The following MYO16 variants were observed in gnomAD, a reference collection of about 807,000 sequenced individuals.
MYO16 encodes myosin XVI, also known as unconventional myosin-XVI.
In MYO16, 94 loss-of-function variants were observed where a neutral mutation model predicts 205.3. The observed-to-expected ratio is 0.46, with a 90% CI of 0.39 to 0.54. MYO16 has a LOEUF of 0.54. Among genes scored for constraint, MYO16 ranks in the 20% least tolerant of loss-of-function variants. The pLI, the probability that MYO16 is intolerant of heterozygous loss-of-function variation, is 0.00. For missense variants in MYO16, 2,315 were observed against 2,387.5 expected, an observed-to-expected ratio of 0.97 and a Z score of 0.63; for synonymous variants, 988 against 954.0, an observed-to-expected ratio of 1.04 and a Z score of -0.66.
intron 21 of MYO16, among the ~76,000 whole-genome samples, chr13:108,992,880 A>T (rs1884883880): frequency 6.6e-6 from 1 of 152,206 alleles, no homozygotes; most frequent in Non-Finnish European, 1.5e-5. Flanking sequence ...GGACTATTGG[A>T]AAATCATAAA....
In MYO16 at chr13:109,101,436, T is replaced by C. The variant is rs140268119; in HGVS notation, c.3438+549T>C. ...CTTCATAATTGGAAACACTTTATTA[T>C]AGTCTGTGATCCATTTGAATGGTAG... On this transcript the variant is annotated intron_variant, in intron 28 of 34. Transcript: ENST00000457511. 1.4e-4 allele frequency: 22 copies of C among 152,812 alleles called. No individual in the cohort carries two copies. In the East Asian group the frequency reaches 4.2e-3, roughly 29 times the overall value. The allele number at this position is 152,812 out of a possible 1,614,324, so 9.5% of individuals were successfully genotyped here. A position where few individuals can be genotyped will look rare whatever the true frequency, so the allele number is the denominator to read the frequency against.
intron 19 of MYO16, among the ~76,000 whole-genome samples, chr13:108,963,381 A>AT (rs1883660731): frequency 1.3e-5 from 2 of 152,208 alleles, no homozygotes; most frequent in Admixed American, 1.3e-4. Flanking sequence ...CCCAAAAGTT[A>AT]TACTTGATAG....
At chr13:108,655,240 C>G (rs575216392) in intron 1 of MYO16, among the ~76,000 whole-genome samples, 170 of 152,314 alleles carry the variant, frequency 1.1e-3, no homozygotes, top group African/African-American at 4.0e-3. Flanking sequence ...ATGTTGTGTG[C>G]AGCCTAGGGA....
the MYO16 span, among the ~76,000 whole-genome samples, chr13:108,565,616 A>T: frequency 6.6e-6 from 1 of 152,102 alleles, no homozygotes; most frequent in East Asian, 1.9e-4. Context: ...AGATCATATT[A>T]TCTGCAAACA....
intron 16 of MYO16, among the ~76,000 whole-genome samples, chr13:108,951,158 C>A (rs1052411900): frequency 6.6e-6 from 1 of 151,690 alleles, no homozygotes; most frequent in African/African-American, 2.4e-5. Flanking sequence ...TGGAAAAGAA[C>A]AAAAAAAGAA....
chr13:108,818,866 A>G (rs537709842), intron 7 of MYO16, among the ~76,000 whole-genome samples: 79 of 152,320 alleles, frequency 5.2e-4, no homozygotes, highest in African/African-American at 1.8e-3. Flanking sequence ...GAAATCCAGG[A>G]GAAGCCTGCT....
chr13:108,595,516 C>T (rs146801809), upstream of MYO16, among the ~76,000 whole-genome samples: 322 of 152,260 alleles, frequency 2.1e-3, no homozygotes, highest in African/African-American at 7.3e-3. Flanking sequence ...AAGGTAGTTC[C>T]GTTCTTTTAG....
intron 34 of MYO16, among the ~76,000 whole-genome samples, chr13:109,203,834 C>G (rs997498396): frequency 6.6e-6 from 1 of 152,182 alleles, no homozygotes; most frequent in African/African-American, 2.4e-5. Flanking sequence ...AAACTTTGGC[C>G]TAGGGCGCCC....
chr13:108,496,025 G>A, the MYO16 span, among the ~76,000 whole-genome samples: 2 of 152,184 alleles, frequency 1.3e-5, no homozygotes, highest in African/African-American at 4.8e-5. Context: ...AGGCTGTTCT[G>A]CACCGCCGGG....
intron 20 of MYO16, among the ~76,000 whole-genome samples, chr13:108,990,967 A>C: frequency 6.6e-6 from 1 of 152,240 alleles, no homozygotes; most frequent in East Asian, 1.9e-4. Context: ...CAAGGAAATA[A>C]CAATTTAACG....
At chr13:108,600,095 T>A (rs541657225) in intron 1 of MYO16, among the ~76,000 whole-genome samples, 1 of 152,320 alleles carries the variant, frequency 6.6e-6, no homozygotes, top group East Asian at 1.9e-4. Flanking sequence ...TACTCCTATT[T>A]ACCTAATCCT....
intron 16 of MYO16, among the ~76,000 whole-genome samples, chr13:108,938,744 C>T (rs1882597687): frequency 6.6e-6 from 1 of 152,238 alleles, no homozygotes; most frequent in South Asian, 2.1e-4. Flanking sequence ...GATCTCACTG[C>T]ACCACCATCT....
At chr13:108,826,194 C>T (rs1283202305) in intron 9 of MYO16, among the ~76,000 whole-genome samples, 1 of 152,014 alleles carries the variant, frequency 6.6e-6, no homozygotes, top group African/African-American at 2.4e-5. Flanking sequence ...TCTATAGTAA[C>T]TAAGACATTG....
intron 9 of MYO16, among the ~76,000 whole-genome samples, chr13:108,831,064 T>A (rs1441890701): frequency 6.6e-6 from 1 of 152,202 alleles, no homozygotes; most frequent in Admixed American, 6.5e-5. Flanking sequence ...AGGGACACAG[T>A]GATCTCGGGG....
chr13:108,558,425 A>G, the MYO16 span, among the ~76,000 whole-genome samples: 2 of 152,194 alleles, frequency 1.3e-5, no homozygotes, highest in Non-Finnish European at 2.9e-5. Context: ...TAAGACATTG[A>G]TGACTGACAG....
chr13:108,510,418 ATAGT>A, the MYO16 span, among the ~76,000 whole-genome samples: 4 of 67,408 alleles, frequency 5.9e-5, no homozygotes, highest in African/African-American at 2.0e-4. Context: ...TGCCCGGTAG[ATAGT>A]TAATTTTTTT....
Position 108,806,822 on chromosome 13 carries a change from A to T in MYO16, c.867+18A>T. 1 of 1,450,566 alleles carries T rather than the reference A, an allele frequency of 6.9e-7. No individual in the cohort carries two copies. Among genetic ancestry groups the T allele is most frequent in the Non-Finnish European group, 9.2e-7 (1 of 1,092,878 alleles). The allele number at this position is 1,450,566 out of a possible 1,614,324, so 89.9% of individuals were successfully genotyped here. A position where few individuals can be genotyped will look rare whatever the true frequency, so the allele number is the denominator to read the frequency against. Reference sequence around the variant, plus strand: ...ATGGCCAGGTAGAGTGATTTGCTGAATTCTTTAAAAAATAATTTTATATAA... The same window carrying T: ...ATGGCCAGGTAGAGTGATTTGCTGATTTCTTTAAAAAATAATTTTATATAA... On this transcript the variant is annotated intron_variant, in intron 7 of 34. Transcript: ENST00000457511.
At chr13:108,897,850 G>T (rs975397889) in intron 14 of MYO16, among the ~76,000 whole-genome samples, 166 bp from the exon 15 acceptor site, 1 of 152,108 alleles carries the variant, frequency 6.6e-6, no homozygotes, top group African/African-American at 2.4e-5. Context: ...GATGCTAGTG[G>T]CTTGCCTTTG....
intron 20 of MYO16, among the ~76,000 whole-genome samples, chr13:108,978,257 TCTTA>T (rs773864202): frequency 6.6e-5 from 10 of 152,226 alleles, no homozygotes; most frequent in Non-Finnish European, 1.5e-4. Flanking sequence ...TCTTTATGTA[TCTTA>T]CTTCTTCTTA....
Sources: gnomAD v4.1 joint callset for allele counts (sites outside exome capture counted in the v4.1 genomes callset) on GRCh38, gnomAD v4.1.1 for gene constraint, MANE v1.5 for transcripts, NCBI Gene and HGNC (gene_info 2026-07-23, HGNC 2026-07-21) for gene names.